Variants in NKAIN2 observed in about 807,000 individuals in gnomAD.
The protein encoded by NKAIN2 is sodium/potassium-transporting ATPase subunit beta-1-interacting protein 2.
NKAIN2 carries 14 observed loss-of-function variants against 32.6 expected under a neutral mutation model. The observed-to-expected ratio is 0.43, with a 90% CI of 0.28 to 0.67. NKAIN2 has a LOEUF of 0.67. Ranked by LOEUF, NKAIN2 falls within the 30% of genes least tolerant of loss-of-function variation. The probability of loss-of-function intolerance (pLI) is 0.17; values close to 1 mark genes in which losing one functional copy is unlikely to be tolerated. For synonymous variants in NKAIN2, 80 were observed against 87.2 expected (o/e 0.92, Z 0.46); for missense variants, 198 against 258.3 (o/e 0.77, Z 1.60).
At chr6:124,061,009 A>G (rs1046038094) in intron 1 of NKAIN2, among the ~76,000 whole-genome samples, 1 of 152,172 alleles carries the variant, frequency 6.6e-6, no homozygotes. Flanking sequence ...TTTAGGAGAA[A>G]GCTTTCAGCA....
intron 1 of NKAIN2, among the ~76,000 whole-genome samples, chr6:123,977,408 C>T (rs1255213949): frequency 6.6e-6 from 1 of 152,008 alleles, no homozygotes; most frequent in Non-Finnish European, 1.5e-5. Flanking sequence ...GAAACCTTGA[C>T]TTTAAAAACA....
At chr6:124,322,212 C>T (rs1298434654) in intron 2 of NKAIN2, among the ~76,000 whole-genome samples, 1 of 152,114 alleles carries the variant, frequency 6.6e-6, no homozygotes, top group Non-Finnish European at 1.5e-5. Flanking sequence ...TAGAGCATTA[C>T]ACTTGAAGGT....
intron 1 of NKAIN2, among the ~76,000 whole-genome samples, chr6:124,236,964 T>C (rs1218065935): frequency 6.6e-6 from 1 of 152,156 alleles, no homozygotes; most frequent in Non-Finnish European, 1.5e-5. Context: ...ACATATAAAA[T>C]ATTGCACACA....
At chr6:124,477,766 CCCT>C (rs1192034654) in intron 3 of NKAIN2, among the ~76,000 whole-genome samples, 1 of 103,012 alleles carries the variant, frequency 9.7e-6, no homozygotes, top group African/African-American at 3.8e-5. Flanking sequence ...TCCTTTCCCC[CCCT>C]CCCTTCTCCT....
At chr6:124,555,000 C>T (rs1476683303) in intron 3 of NKAIN2, among the ~76,000 whole-genome samples, 1 of 152,158 alleles carries the variant, frequency 6.6e-6, no homozygotes, top group Non-Finnish European at 1.5e-5. Flanking sequence ...TCTCTTGTTT[C>T]CTGCACTCCA....
At chr6:124,052,650 A>C (rs1008513175) in intron 1 of NKAIN2, among the ~76,000 whole-genome samples, 1 of 152,098 alleles carries the variant, frequency 6.6e-6, no homozygotes, top group Non-Finnish European at 1.5e-5. Flanking sequence ...ATACCAAAAG[A>C]ATAAGGTGTT....
intron 1 of NKAIN2, among the ~76,000 whole-genome samples, chr6:123,954,680 A>G (rs974432592): frequency 6.6e-6 from 1 of 152,208 alleles, no homozygotes; most frequent in African/African-American, 2.4e-5. Flanking sequence ...GAGTAACTTT[A>G]TCTACCTCCA....
At chr6:124,493,622 C>T (rs1777949671) in intron 3 of NKAIN2, among the ~76,000 whole-genome samples, 1 of 146,234 alleles carries the variant, frequency 6.8e-6, no homozygotes, top group Non-Finnish European at 1.5e-5. Flanking sequence ...TTGATCATTA[C>T]ATACAGGAGC....
intron 3 of NKAIN2, among the ~76,000 whole-genome samples, chr6:124,473,575 T>G (rs931811131): frequency 6.6e-6 from 1 of 152,208 alleles, no homozygotes; most frequent in Non-Finnish European, 1.5e-5. Context: ...TAGTATAAGA[T>G]TGTTTCCTTA....
At chr6:123,975,019 A>AAACATATTT (rs1225907880) in intron 1 of NKAIN2, among the ~76,000 whole-genome samples, 2 of 152,170 alleles carry the variant, frequency 1.3e-5, no homozygotes, top group African/African-American at 4.8e-5. Context: ...TCCTCATTTT[A>AAACATATTT]GCGTATGTTT....
intron 1 of NKAIN2, among the ~76,000 whole-genome samples, chr6:124,076,969 G>A (rs1783723031): frequency 6.6e-6 from 1 of 152,182 alleles, no homozygotes; most frequent in Non-Finnish European, 1.5e-5. Context: ...ATTTAATGAA[G>A]TAGATGCTGA....
intron 3 of NKAIN2, among the ~76,000 whole-genome samples, chr6:124,382,947 A>G (rs1373778563): frequency 1.3e-5 from 2 of 152,188 alleles, no homozygotes; most frequent in Non-Finnish European, 1.5e-5. Context: ...AGTGGCTTAT[A>G]TGTTTCACAA....
intron 1 of NKAIN2, among the ~76,000 whole-genome samples, chr6:124,227,964 A>G (rs9482520): frequency 0.12 from 17,544 of 152,130 alleles, 2,432 homozygotes; most frequent in African/African-American, 0.33. Context: ...GGGTGCTAGC[A>G]TGGTTGGGTT....
At chr6:123,875,746 T>G (rs1050517702) in intron 1 of NKAIN2, among the ~76,000 whole-genome samples, 5 of 152,108 alleles carry the variant, frequency 3.3e-5, no homozygotes, top group African/African-American at 1.2e-4. Flanking sequence ...ATAGCTTTAC[T>G]TAAAATTTTA....
intron 4 of NKAIN2, among the ~76,000 whole-genome samples, chr6:124,726,632 C>A (rs1247222773): frequency 1.3e-5 from 2 of 148,754 alleles, no homozygotes; most frequent in East Asian, 4.0e-4. Flanking sequence ...AAACTGGAAA[C>A]TCTAAAAACC....
At chr6:123,852,561 T>C (rs1775394253) in intron 1 of NKAIN2, among the ~76,000 whole-genome samples, 1 of 152,216 alleles carries the variant, frequency 6.6e-6, no homozygotes, top group Admixed American at 6.5e-5. Flanking sequence ...TGCAGTCCTG[T>C]GTTCATTGCA....
At chr6:124,675,267 G>C (rs1183745562) in intron 4 of NKAIN2, among the ~76,000 whole-genome samples, 1 of 151,968 alleles carries the variant, frequency 6.6e-6, no homozygotes, top group Non-Finnish European at 1.5e-5. Context: ...TAGTTTGCTA[G>C]TATTTGTTGA....
intron 1 of NKAIN2, among the ~76,000 whole-genome samples, chr6:124,027,610 A>G (rs1423069665): frequency 2.0e-5 from 3 of 152,152 alleles, no homozygotes; most frequent in African/African-American, 7.2e-5. Flanking sequence ...TCTCCTTCCT[A>G]CAGTGATATC....
At chr6:124,592,079 C>T (rs552720933) in intron 3 of NKAIN2, among the ~76,000 whole-genome samples, 41 of 152,044 alleles carry the variant, frequency 2.7e-4, no homozygotes, top group African/African-American at 9.4e-4. Context: ...GAGAATAGAC[C>T]TAAGAGACTC....
Sources: allele counts gnomAD v4.1 joint callset (sites outside exome capture counted in the v4.1 genomes callset), GRCh38; gene constraint gnomAD v4.1.1; transcripts MANE v1.5; gene names NCBI Gene and HGNC (gene_info 2026-07-23, HGNC 2026-07-21).